FGD6: variants seen among roughly 807,000 people sequenced by gnomAD.
The protein encoded by FGD6 is FYVE, RhoGEF and PH domain-containing protein 6.
FGD6 carries 90 observed loss-of-function variants against 149.4 expected under a neutral mutation model. The observed-to-expected ratio is 0.60, with a 90% CI of 0.51 to 0.72. The LOEUF (loss-of-function observed/expected upper bound fraction) is 0.72, where lower values mean the gene tolerates loss of function less well. FGD6 is among the 30% of genes least tolerant of loss of function. FGD6 has a pLI of 0.00. For missense variants in FGD6, 1,437 were observed against 1,684.8 expected (o/e 0.85, Z 2.57); for synonymous variants, 527 against 584.0 (o/e 0.90, Z 1.41).
At position 95,204,781 on chromosome 12, in the gene FGD6, G is replaced by C. The variant is rs187604065; in HGVS notation, c.2441+4062C>G. Among the ~76,000 whole-genome samples the C allele has an allele frequency of 3.9e-5, 6 of 152,306 alleles. No homozygotes were observed. The East Asian group carries it at 1.2e-3, about 29-fold the overall frequency. Reference sequence around the variant, plus strand: ...GGGCTGGGGTAGGGAGAGGAGTGGAGGGGAAGACAGGGCAGTAATGGTTAA... The same window carrying C: ...GGGCTGGGGTAGGGAGAGGAGTGGACGGGAAGACAGGGCAGTAATGGTTAA... On this transcript the variant is annotated intron_variant, in intron 2 of 20. Transcript: ENST00000343958.
At chr12:95,145,028 G>A (rs149250769) in intron 5 of FGD6, among the ~76,000 whole-genome samples, 1,809 of 120,260 alleles carry the variant, frequency 0.015, 27 homozygotes, top group Non-Finnish European at 0.022. Flanking sequence ...TCGCTCTGTC[G>A]TCCAGGCTGG....
At chr12:95,200,943 A>T (rs1251916161) in intron 2 of FGD6, among the ~76,000 whole-genome samples, 1 of 152,144 alleles carries the variant, frequency 6.6e-6, no homozygotes, top group Non-Finnish European at 1.5e-5. Context: ...ATGTGCTATA[A>T]CACGAACTGT....
At chr12:95,197,193 CT>C (rs1408860094) in intron 2 of FGD6, among the ~76,000 whole-genome samples, 1 of 152,046 alleles carries the variant, frequency 6.6e-6, no homozygotes, top group African/African-American at 2.4e-5. Flanking sequence ...AATCCCAGCA[CT>C]TCAGGAGGCC....
chr12:95,122,645 CAAA>C (rs397687285), intron 8 of FGD6, among the ~76,000 whole-genome samples: 1 of 64,420 alleles, frequency 1.6e-5, no homozygotes, highest in African/African-American at 6.3e-5. Flanking sequence ...GACTCAGTCT[CAAA>C]AAAAAAAAAA....
chr12:95,106,012 AAAAAC>A (rs1227958885), intron 13 of FGD6, among the ~76,000 whole-genome samples: 1 of 152,192 alleles, frequency 6.6e-6, no homozygotes, highest in Non-Finnish European at 1.5e-5. Context: ...TCTGTCACAA[AAAAAC>A]AAAACAAAAC....
chr12:95,180,471 G>C (rs989140893), intron 2 of FGD6, among the ~76,000 whole-genome samples: 1 of 149,220 alleles, frequency 6.7e-6, no homozygotes, highest in Admixed American at 6.8e-5. Context: ...ACAGCTCACC[G>C]TAACTTCTGT....
At chr12:95,141,674 A>T in intron 5 of FGD6, 135 bp from the exon 6 acceptor site, 1 of 987,868 alleles carries the variant, frequency 1.0e-6, no homozygotes, top group Non-Finnish European at 1.5e-6. Context: ...ACAAATCTAA[A>T]GTACCCCCTT....
chr12:95,134,531 A>G (rs1239234297), intron 8 of FGD6, among the ~76,000 whole-genome samples: 1 of 152,148 alleles, frequency 6.6e-6, no homozygotes, highest in African/African-American at 2.4e-5. Flanking sequence ...GTGAAAATGC[A>G]CACATGGATG....
At chr12:95,181,072 G>A (rs973471565) in intron 2 of FGD6, among the ~76,000 whole-genome samples, 3 of 152,072 alleles carry the variant, frequency 2.0e-5, no homozygotes, top group Non-Finnish European at 2.9e-5. Context: ...CCTTACTGCC[G>A]AGAGGGGTTT....
chr12:95,164,304 C>T (rs1009693445), intron 3 of FGD6, among the ~76,000 whole-genome samples: 14 of 149,668 alleles, frequency 9.4e-5, no homozygotes, highest in Admixed American at 1.3e-4. Flanking sequence ...TGCAGTGGCA[C>T]GATCTCGGCT....
chr12:95,108,871 G>A (rs916427225), intron 9 of FGD6, among the ~76,000 whole-genome samples: 5 of 152,206 alleles, frequency 3.3e-5, no homozygotes, highest in African/African-American at 7.2e-5. Flanking sequence ...GTTTTGTGCT[G>A]TGATTTGATT....
intron 6 of FGD6, among the ~76,000 whole-genome samples, chr12:95,138,458 C>T (rs965708748): frequency 6.8e-6 from 1 of 146,090 alleles, no homozygotes; most frequent in Non-Finnish European, 1.5e-5. Flanking sequence ...GCAGGAGAAT[C>T]GCTTGAACCC....
In FGD6 at chr12:95,208,998, G is replaced by A; in HGVS notation, c.2286C>T (p.Asn762=). The change falls in exon 2 of 21, where the codon AAC becomes AAT. Residue 762 remains asparagine, a synonymous_variant. Transcript: ENST00000343958. ...RHYEEIPEYE[N]LPFIMAIRKT... is the part of the protein sequence containing the mutation. ...TCCGTATAGCCATAATAAATGGCAAGTTCTCGTACTCTGGTATTTCCTCAT... is the reference window on the plus strand; with the variant it reads ...TCCGTATAGCCATAATAAATGGCAAATTCTCGTACTCTGGTATTTCCTCAT... 6.2e-7 allele frequency: 1 copy of A among 1,614,130 alleles called. No homozygotes were observed. The highest frequency in any genetic ancestry group is 8.5e-7 in the Non-Finnish European group (1 of 1,180,026).
intron 9 of FGD6, among the ~76,000 whole-genome samples, chr12:95,112,751 C>G (rs4762153): frequency 0.88 from 134,534 of 152,160 alleles, 59,851 homozygotes; most frequent in East Asian, 0.97. Context: ...GACACAGGCA[C>G]ACAGACACAG....
rs1349297565 is a variant in FGD6, at chr12:95,210,253, G to A, written c.1031C>T (p.Ser344Leu). 6.2e-7 allele frequency: 1 copy of A among 1,614,162 alleles called. No homozygotes were observed. The highest frequency in any genetic ancestry group is 2.2e-5 in the East Asian group (1 of 44,886). ...PSESTEEPGNSDSSSSCLTEN... is the reference protein window; with the variant it reads ...PSESTEEPGNLDSSSSCLTEN... ...AGTAAGACAGGAAGAGCTACTGTCT[G>A]AATTCCCCGGTTCTTCAGTGCTTTC... The change falls in exon 2 of 21, where the codon TCA becomes TTA. Residue 344 changes from serine (S) to leucine (L), a missense_variant. Physicochemically the swap from Ser to Leu is moderately radical, Grantham distance 145. Transcript: ENST00000343958.
intron 2 of FGD6, among the ~76,000 whole-genome samples, chr12:95,180,688 C>G (rs1881257715): frequency 6.6e-6 from 1 of 152,018 alleles, no homozygotes; most frequent in Non-Finnish European, 1.5e-5. Context: ...CCACTCCTGG[C>G]TGAGAGATTT....
intron 3 of FGD6, among the ~76,000 whole-genome samples, chr12:95,163,929 G>GAA (rs1216112392): frequency 6.6e-6 from 1 of 152,066 alleles, no homozygotes; most frequent in Non-Finnish European, 1.5e-5. Context: ...CAACTTGTAA[G>GAA]AACAATGACT....
At position 95,209,461 on chromosome 12, in the gene FGD6, G is replaced by C. The variant is rs199769350; in HGVS notation, c.1823C>G (p.Ala608Gly). 6.2e-7 allele frequency: 1 copy of C among 1,612,174 alleles called. No individual in the cohort carries two copies. The highest frequency in any genetic ancestry group is 1.3e-5 in the African/African-American group (1 of 74,898). The stretch of plus-strand genomic sequence containing the variant: ...CTTAGTGCACTTTTCCACATCCATA[G>C]CAGATAACGATTTTGCTCTGGGCTT... ...LTKPRAKSLS[A>G]MDVEKCTKPC... Residue 608 changes from alanine (A) to glycine (G), a missense_variant, in exon 2 of 21, where the codon GCT (alanine) becomes GGT (glycine). Around this residue, in one of 2 missense-constraint regions of FGD6, gnomAD observed 1,055 missense variants for 1,146.0 expected, o/e 0.92. Coordinates refer to ENST00000343958, the MANE Select transcript of FGD6 (RefSeq NM_018351.4).
At chr12:95,175,633 T>A (rs2136285193) in intron 2 of FGD6, among the ~76,000 whole-genome samples, 1 of 151,848 alleles carries the variant, frequency 6.6e-6, no homozygotes, top group East Asian at 1.9e-4. Flanking sequence ...TAATCCCAGC[T>A]ACTAGAGAGA....
Sources: gnomAD v4.1 joint callset for allele counts (sites outside exome capture counted in the v4.1 genomes callset) on GRCh38, gnomAD v4.1.1 for gene constraint, gnomAD v4.1.1 regional missense constraint, MANE v1.5 for transcripts, NCBI Gene and HGNC (gene_info 2026-07-23, HGNC 2026-07-21) for gene names.